Variants in CFAP61 observed in about 807,000 individuals in gnomAD.
The protein encoded by CFAP61 is cilia and flagella associated protein 61.
Under a neutral mutation model 135.6 loss-of-function variants are expected in CFAP61, and 107 were observed. That is an observed-to-expected ratio of 0.79 (90% CI 0.67 to 0.93). The LOEUF is 0.93. Ranked by LOEUF, CFAP61 falls within the 40% of genes least tolerant of loss-of-function variation. CFAP61 has a pLI of 0.00. For synonymous variants in CFAP61, 575 were observed against 578.5 expected, an observed-to-expected ratio of 0.99 and a Z score of 0.09; for missense variants, 1,507 against 1,556.2, an observed-to-expected ratio of 0.97 and a Z score of 0.53.
intron 25 of CFAP61, among the ~76,000 whole-genome samples, chr20:20,306,923 T>G (rs895925790): frequency 2.6e-5 from 4 of 152,312 alleles, no homozygotes; most frequent in Non-Finnish European, 4.4e-5. Context: ...ACAAATCATA[T>G]AGTGTGAGAC....
chr20:20,262,878 G>A (rs1358692700), intron 20 of CFAP61, 78 bp from the exon 21 acceptor site: 1 of 776,198 alleles, frequency 1.3e-6, no homozygotes. Context: ...ATATTGCTAT[G>A]TCTACTTTTT....
At chr20:20,091,425 A>G (rs967037772) in intron 7 of CFAP61, among the ~76,000 whole-genome samples, 1 of 152,042 alleles carries the variant, frequency 6.6e-6, no homozygotes, top group South Asian at 2.1e-4. Flanking sequence ...CCCAAATGTT[A>G]ACATCCAACC....
intron 13 of CFAP61, among the ~76,000 whole-genome samples, chr20:20,184,992 C>T (rs776419169): frequency 7.9e-5 from 12 of 151,998 alleles, no homozygotes; most frequent in Non-Finnish European, 1.0e-4. Context: ...AGGGAGGGCA[C>T]GGGGAAGGAG....
chr20:20,090,748 C>T, intron 6 of CFAP61, 96 bp from the exon 7 acceptor site: 1 of 1,248,548 alleles, frequency 8.0e-7, no homozygotes, highest in Non-Finnish European at 1.1e-6. Context: ...TGCTCTAGCC[C>T]CGGCACTTAG....
rs767850120 is a variant in CFAP61 at position 20,098,657 on chromosome 20, G to GGAA, written c.704_706dup (p.Glu235dup). ...ATGAGGTGTTTTGGATATTTCAGGTGGAAGGCACAGCTGTTGGGTTCATGA... is the reference window on the plus strand; with the variant it reads ...ATGAGGTGTTTTGGATATTTCAGGTGGAAGAAGGCACAGCTGTTGGGTTCATGA... On this transcript the variant is annotated inframe_insertion, in exon 8 of 27. Coordinates refer to ENST00000245957, the MANE Select transcript of CFAP61 (RefSeq NM_015585.4). 63 of 1,582,880 alleles carry GGAA rather than the reference G, an allele frequency of 4.0e-5. No homozygotes were observed. The Admixed American group carries it at 9.0e-4, about 23-fold the overall frequency.
chr20:20,096,740 A>G (rs2047606508), intron 7 of CFAP61, among the ~76,000 whole-genome samples: 1 of 152,246 alleles, frequency 6.6e-6, no homozygotes, highest in Admixed American at 6.5e-5. Flanking sequence ...TTGGGCCTGA[A>G]ATTACAGAGA....
At chr20:20,334,819 G>T (rs767724073) in intron 25 of CFAP61, among the ~76,000 whole-genome samples, 1 of 152,132 alleles carries the variant, frequency 6.6e-6, no homozygotes, top group Non-Finnish European at 1.5e-5. Context: ...GCAAACTCAG[G>T]CTGAACTCAA....
chr20:20,269,188 C>CATAT (rs376367660), intron 21 of CFAP61, among the ~76,000 whole-genome samples: 1 of 131,134 alleles, frequency 7.6e-6, no homozygotes, highest in Non-Finnish European at 1.6e-5. Flanking sequence ...TATACACACA[C>CATAT]ATATATACAT....
At chr20:20,276,277 C>T (rs2053754730) in intron 21 of CFAP61, among the ~76,000 whole-genome samples, 2 of 152,162 alleles carry the variant, frequency 1.3e-5, no homozygotes, top group South Asian at 2.1e-4. Flanking sequence ...AACAGAGAGA[C>T]ATTCAATGAA....
At chr20:20,172,279 A>G in intron 13 of CFAP61, 1 of 983,812 alleles carries the variant, frequency 1.0e-6, no homozygotes, top group South Asian at 4.7e-5. Flanking sequence ...ACTTTGCATT[A>G]TGTCTATCTG....
At chr20:20,105,529 C>G (rs1334742317) in intron 8 of CFAP61, among the ~76,000 whole-genome samples, 1 of 152,182 alleles carries the variant, frequency 6.6e-6, no homozygotes, top group East Asian at 1.9e-4. Flanking sequence ...ACTCAAGGCT[C>G]TGATAGTAAT....
chr20:20,248,881 T>G (rs1372229917), intron 19 of CFAP61, among the ~76,000 whole-genome samples: 1 of 152,208 alleles, frequency 6.6e-6, no homozygotes, highest in African/African-American at 2.4e-5. Context: ...TTCCCCGTCC[T>G]CCATTTTTGC....
rs78741533 is a variant in CFAP61, at chr20:20,277,318, G to C, written c.2656G>C (p.Val886Leu). ...CAACAACTACTCGGTGGAGAGCGCC[G>C]TGGCGGACGCGCTAGGAGCCGCCGG... is the stretch of plus-strand genomic sequence containing the variant. ...CINNYSVESA[V>L]ADALGAAGVT... Residue 886 changes from valine to leucine, a missense_variant, in exon 22 of 27, where the codon GTG becomes CTG. Coordinates refer to ENST00000245957, the MANE Select transcript of CFAP61 (RefSeq NM_015585.4). The C allele has an allele frequency of 4.3e-6, 7 of 1,614,128 alleles. No individual in the cohort carries two copies. Among genetic ancestry groups the C allele is most frequent in the Non-Finnish European group, 4.2e-6 (5 of 1,180,028 alleles).
intron 17 of CFAP61, among the ~76,000 whole-genome samples, chr20:20,209,255 T>C (rs1418034069): frequency 6.6e-6 from 1 of 152,310 alleles, no homozygotes; most frequent in African/African-American, 2.4e-5. Context: ...TAAGTTTTTA[T>C]CCCAATTTTT....
chr20:20,065,915 A>G (rs80297563), intron 2 of CFAP61, among the ~76,000 whole-genome samples: 1 of 152,216 alleles, frequency 6.6e-6, no homozygotes, highest in Non-Finnish European at 1.5e-5. Context: ...TAAATCAAGC[A>G]GAAAAAGCGA....
chr20:20,098,890 T>A, intron 8 of CFAP61, 76 bp downstream of exon 8: 1 of 1,288,580 alleles, frequency 7.8e-7, no homozygotes, highest in Non-Finnish European at 1.1e-6. Flanking sequence ...CGCTAAGTGA[T>A]GGAACTAGAT....
intron 18 of CFAP61, among the ~76,000 whole-genome samples, chr20:20,233,508 A>G (rs113892318): frequency 2.4e-4 from 37 of 152,158 alleles, no homozygotes; most frequent in African/African-American, 8.9e-4. Flanking sequence ...TGGGAGATGG[A>G]CATCCACAGG....
chr20:20,066,357 A>G (rs1449151822), intron 2 of CFAP61, among the ~76,000 whole-genome samples: 2 of 152,338 alleles, frequency 1.3e-5, no homozygotes, highest in East Asian at 1.9e-4. Context: ...AAATCATTCT[A>G]CTATAAAGAC....
intron 26 of CFAP61, among the ~76,000 whole-genome samples, chr20:20,357,411 AGT>A (rs1346463075): frequency 2.6e-4 from 12 of 45,380 alleles, no homozygotes; most frequent in East Asian, 6.8e-4. Context: ...AGGTGGTCAC[AGT>A]GTGAGGGGAG....
Sources: gnomAD v4.1 joint callset for allele counts (sites outside exome capture counted in the v4.1 genomes callset) on GRCh38, gnomAD v4.1.1 for gene constraint, MANE v1.5 for transcripts, NCBI Gene and HGNC (gene_info 2026-07-23, HGNC 2026-07-21) for gene names.